The following CAMKMT variants were observed in gnomAD, a reference collection of about 807,000 sequenced individuals.
CAMKMT encodes the protein CaM KMT.
CAMKMT carries 53 observed loss-of-function variants against 48.0 expected under a neutral mutation model. The observed-to-expected ratio is 1.10, with a 90% CI of 0.89 to 1.39. The LOEUF is 1.39. Ranked by LOEUF, CAMKMT falls within the 40% of genes most tolerant of loss-of-function variation. CAMKMT has a pLI of 0.00. For synonymous variants in CAMKMT, 165 were observed against 152.3 expected (o/e 1.08, Z -0.61); for missense variants, 428 against 402.7 (o/e 1.06, Z -0.54).
chr2:44,657,928 ACT>A lies in CAMKMT; in HGVS notation c.377-46352_377-46351del, dbSNP rs1322030359. ...ATATAAATGTCTCATTTTCCTCCAT[ACT>A]CTGTTTTTATATAAAATAATGGTAT... On this transcript the variant is annotated intron_variant, in intron 3 of 10. Coordinates refer to ENST00000378494, the MANE Select transcript of CAMKMT (RefSeq NM_024766.5). This position sits in a 1 kb window ranked among gnomAD's most constrained non-coding sequence, Gnocchi z 4.3. Among the ~76,000 whole-genome samples the A allele has an allele frequency of 2.0e-5, 3 of 151,960 alleles. No homozygotes were observed. The highest frequency in any genetic ancestry group is 4.4e-5 in the Non-Finnish European group (3 of 67,996).
intron 3 of CAMKMT, among the ~76,000 whole-genome samples, chr2:44,461,819 A>G (rs1572565177): frequency 6.6e-6 from 1 of 152,212 alleles, no homozygotes; most frequent in Non-Finnish European, 1.5e-5. Flanking sequence ...AATACGATCA[A>G]TTCCTATGGA....
At chr2:44,705,975 T>G (rs1209797200) in intron 4 of CAMKMT, among the ~76,000 whole-genome samples, 1 of 152,168 alleles carries the variant, frequency 6.6e-6, no homozygotes, top group Non-Finnish European at 1.5e-5. Context: ...CTCTAGCTAG[T>G]TTAGTTCTAA....
intron 3 of CAMKMT, among the ~76,000 whole-genome samples, chr2:44,402,748 T>G (rs1682503561): frequency 6.7e-6 from 1 of 149,156 alleles, no homozygotes; most frequent in Non-Finnish European, 1.5e-5. Flanking sequence ...CTGTTTTTTT[T>G]TTTTTTTTTT....
intron 3 of CAMKMT, among the ~76,000 whole-genome samples, chr2:44,519,270 T>C (rs1247077383): frequency 6.6e-6 from 1 of 152,220 alleles, no homozygotes; most frequent in Non-Finnish European, 1.5e-5. Context: ...TTTCCCTCTA[T>C]ACATGTGTTT....
Position 44,592,219 on chromosome 2 carries a change from TAATA to T in CAMKMT, c.377-112049_377-112046del, listed in dbSNP as rs531998072. ...CCTAAAACTTAAAGTATAATAATAA[TAATA>T]AATAAATAAATAAACTACGAATTCA... On this transcript the variant is annotated intron_variant, in intron 3 of 10. Transcript: ENST00000378494. Among the ~76,000 whole-genome samples, 485 of 152,064 alleles carry T rather than the reference TAATA, an allele frequency of 3.2e-3. 16 individuals are homozygous for T. The highest frequency in any genetic ancestry group is 1.3e-3 in the East Asian group (7 of 5,186).
At chr2:44,536,661 A>G (rs1275732240) in intron 3 of CAMKMT, among the ~76,000 whole-genome samples, 1 of 152,100 alleles carries the variant, frequency 6.6e-6, no homozygotes, top group Non-Finnish European at 1.5e-5. Context: ...TAGAAAAAAT[A>G]ATCCCCAAAT....
At chr2:44,752,024 C>T (rs1381972608) in intron 8 of CAMKMT, among the ~76,000 whole-genome samples, 1 of 152,026 alleles carries the variant, frequency 6.6e-6, no homozygotes, top group South Asian at 2.1e-4. Context: ...CAATACCTCC[C>T]ACTAGGCCCC....
chr2:44,603,354 G>C (rs1468575507), intron 3 of CAMKMT, among the ~76,000 whole-genome samples: 3 of 152,126 alleles, frequency 2.0e-5, no homozygotes, highest in African/African-American at 7.2e-5. Context: ...GCCTCCCAAA[G>C]TGCTGAGATT....
Position 44,658,870 on chromosome 2 carries a change from G to A in CAMKMT, c.377-45413G>A, listed in dbSNP as rs114255916. ...TGCTGCTCTACTCTTTACTTGGACTGCTAGCAAACATGGAGCTAAGTACTC... is the reference window on the plus strand; with the variant it reads ...TGCTGCTCTACTCTTTACTTGGACTACTAGCAAACATGGAGCTAAGTACTC... On this transcript the variant is annotated intron_variant, in intron 3 of 10. Transcript: ENST00000378494. 7.2e-3 allele frequency among the ~76,000 whole-genome samples: 1,093 copies of A among 152,134 alleles called. 15 individuals carry two copies. Among genetic ancestry groups the A allele is most frequent in the African/African-American group, 0.024 (1,014 of 41,498 alleles).
chr2:44,737,670 T>G (rs1427563095), intron 7 of CAMKMT, among the ~76,000 whole-genome samples: 2 of 152,062 alleles, frequency 1.3e-5, no homozygotes, highest in African/African-American at 4.8e-5. Flanking sequence ...TCAAGTAGTT[T>G]TCTCACATAC....
At chr2:44,755,193 G>A (rs1680320083) in intron 9 of CAMKMT, among the ~76,000 whole-genome samples, 1 of 152,118 alleles carries the variant, frequency 6.6e-6, no homozygotes, top group African/African-American at 2.4e-5. Flanking sequence ...TGGAGGAGTA[G>A]CCATAGCTTC....
chr2:44,369,695 A>C (rs1226890049), intron 1 of CAMKMT: 1 of 152,226 alleles, frequency 6.6e-6, no homozygotes, highest in African/African-American at 2.4e-5. Flanking sequence ...TTCTAGAAGC[A>C]AAGTATGCCA....
intron 10 of CAMKMT, 26 bp from the exon 11 acceptor site, chr2:44,772,010 C>A (rs368874581): frequency 1.3e-6 from 2 of 1,554,100 alleles, no homozygotes; most frequent in Non-Finnish European, 1.8e-6. Context: ...GTCCCCTTAC[C>A]TTTTTCTTTC....
intron 3 of CAMKMT, among the ~76,000 whole-genome samples, chr2:44,436,463 G>A (rs1406856089): frequency 6.6e-6 from 1 of 152,092 alleles, no homozygotes; most frequent in Non-Finnish European, 1.5e-5. Context: ...ATGCTAGGCT[G>A]GGATCATTTC....
At chr2:44,591,009 G>T (rs1371130628) in intron 3 of CAMKMT, among the ~76,000 whole-genome samples, 1 of 152,142 alleles carries the variant, frequency 6.6e-6, no homozygotes, top group East Asian at 1.9e-4. Flanking sequence ...ATTAAATAGG[G>T]AGTCCTTTCC....
chr2:44,665,700 C>A (rs767936890), intron 3 of CAMKMT, among the ~76,000 whole-genome samples: 29 of 152,198 alleles, frequency 1.9e-4, no homozygotes, highest in Non-Finnish European at 3.7e-4. Context: ...TTGTACTCAT[C>A]TTTCCGTCTT....
At chr2:44,372,164 C>A (rs1157134494) in intron 1 of CAMKMT, among the ~76,000 whole-genome samples, 1 of 152,014 alleles carries the variant, frequency 6.6e-6, no homozygotes, top group Non-Finnish European at 1.5e-5. Flanking sequence ...GTCAGAGTAA[C>A]CTTTGTAGGT....
intron 3 of CAMKMT, among the ~76,000 whole-genome samples, chr2:44,677,522 A>G (rs924441146): frequency 6.6e-6 from 1 of 152,148 alleles, no homozygotes; most frequent in Non-Finnish European, 1.5e-5. Flanking sequence ...AATTCCATGT[A>G]TATGGCAAAA....
intron 3 of CAMKMT, among the ~76,000 whole-genome samples, chr2:44,435,446 A>G (rs369560484): frequency 1.1e-4 from 17 of 152,326 alleles, no homozygotes; most frequent in African/African-American, 4.1e-4. Flanking sequence ...GCTTACTTAC[A>G]ATTGCAAGCA....
Sources: allele counts gnomAD v4.1 joint callset (sites outside exome capture counted in the v4.1 genomes callset), GRCh38; gene constraint gnomAD v4.1.1; non-coding constraint Gnocchi (gnomAD v3.1); transcripts MANE v1.5; gene names NCBI Gene and HGNC (gene_info 2026-07-23, HGNC 2026-07-21).